USP46: variants seen among roughly 807,000 people sequenced by gnomAD.
The protein encoded by USP46 is ubiquitin carboxyl-terminal hydrolase 46.
USP46 carries 12 observed loss-of-function variants against 44.4 expected under a neutral mutation model. That is an observed-to-expected ratio of 0.27 (90% confidence interval 0.17 to 0.44). USP46 has a LOEUF of 0.44. Among genes scored for constraint, USP46 ranks in the 20% least tolerant of loss-of-function variants. The probability of loss-of-function intolerance (pLI) is 1.00; values close to 1 mark genes in which losing one functional copy is unlikely to be tolerated. For synonymous variants in USP46, 155 were observed against 161.5 expected, an observed-to-expected ratio of 0.96 and a Z score of 0.31; for missense variants, 248 against 444.8, an observed-to-expected ratio of 0.56 and a Z score of 3.98.
At chr4:52,602,610 T>C (rs901813247) in intron 6 of USP46, among the ~76,000 whole-genome samples, 3 of 152,212 alleles carry the variant, frequency 2.0e-5, no homozygotes, top group Non-Finnish European at 2.9e-5. Flanking sequence ...TCTCTAGCTC[T>C]CAGTTTCCTT....
At chr4:52,656,709 C>A in intron 1 of USP46, 1 of 495,800 alleles carries the variant, frequency 2.0e-6, no homozygotes. Context: ...AGTCTAAGAC[C>A]GGACAACTTG....
intron 1 of USP46, chr4:52,656,407 A>G: frequency 7.8e-7 from 1 of 1,275,484 alleles, no homozygotes; most frequent in Non-Finnish European, 1.0e-6. Context: ...CTCCTCTGGG[A>G]AGGAAGACTG....
intron 4 of USP46, among the ~76,000 whole-genome samples, chr4:52,614,974 T>C (rs1717066515): frequency 6.6e-6 from 1 of 152,186 alleles, no homozygotes; most frequent in Non-Finnish European, 1.5e-5. Flanking sequence ...GAAGAATGTC[T>C]ATTGTAATCT....
In USP46 at chr4:52,597,380, C is replaced by A; in HGVS notation, c.*260G>T. Reference sequence around the variant, plus strand: ...ACATAATGAATGGCATAGCTTTCACCCAGTCCTAAAATTAGCAACCGTTAT... The same window carrying A: ...ACATAATGAATGGCATAGCTTTCACACAGTCCTAAAATTAGCAACCGTTAT... On this transcript the variant is annotated 3_prime_UTR_variant, in exon 9 of 9. Transcript: ENST00000441222. 1 of 369,562 alleles carries A rather than the reference C, an allele frequency of 2.7e-6. No homozygotes were observed. 22.9% of individuals were successfully genotyped at this position (369,562 alleles called of 1,614,324 possible).
chr4:52,647,351 A>T (rs1718583731), intron 1 of USP46, among the ~76,000 whole-genome samples: 1 of 152,258 alleles, frequency 6.6e-6, no homozygotes, highest in African/African-American at 2.4e-5. Context: ...GATGCCAGAG[A>T]TAAGAATTGG....
chr4:52,644,201 A>G (rs759407748), intron 1 of USP46, among the ~76,000 whole-genome samples: 1 of 152,194 alleles, frequency 6.6e-6, no homozygotes, highest in African/African-American at 2.4e-5. Flanking sequence ...GAGGTTAACT[A>G]ACTTGCCAAG....
chr4:52,602,136 ATAG>A (rs1716495895), intron 6 of USP46, 82 bp from the exon 7 acceptor site: 3 of 1,456,098 alleles, frequency 2.1e-6, no homozygotes, highest in Non-Finnish European at 2.8e-6. Flanking sequence ...CACAAACAGA[ATAG>A]TAGGAGGTTC....
At chr4:52,610,261 G>A (rs1716890426) in intron 5 of USP46, among the ~76,000 whole-genome samples, 1 of 152,084 alleles carries the variant, frequency 6.6e-6, no homozygotes, top group Admixed American at 6.5e-5. Context: ...CCCAAAGGTT[G>A]AAATTATCAC....
rs1178019784 is a variant in USP46, at chr4:52,594,017, T to C, written c.*3623A>G. On this transcript the variant is annotated 3_prime_UTR_variant, in exon 9 of 9. Transcript: ENST00000441222. ...CCTTGAGAGTAATACTGCCTTTATA[T>C]ATTATAATGATCAGAATGTTCTGTA... 2.0e-5 allele frequency: 3 copies of C among 152,234 alleles called. No homozygotes were observed. The highest frequency in any genetic ancestry group is 4.4e-5 in the Non-Finnish European group (3 of 68,042). The allele number at this position is 152,234 out of a possible 1,614,324, so 9.4% of individuals were successfully genotyped here. A position where few individuals can be genotyped will look rare whatever the true frequency, so the allele number is the denominator to read the frequency against.
rs1392850235 is a variant in USP46, at chr4:52,596,592, G to A, written c.*1048C>T. ...TAACTCTGGTATTCCCTCTAGGGAA[G>A]GTTCTGTATCAGCCCTGGGACTCGC... On this transcript the variant is annotated 3_prime_UTR_variant, in exon 9 of 9. Coordinates refer to ENST00000441222, the MANE Select transcript of USP46 (RefSeq NM_022832.4). 6.6e-6 allele frequency: 1 copy of A among 152,194 alleles called. No homozygotes were observed. Among genetic ancestry groups the A allele is most frequent in the Non-Finnish European group, 1.5e-5 (1 of 68,042 alleles). 9.4% of individuals were successfully genotyped at this position (152,194 alleles called of 1,614,324 possible). A position where few individuals can be genotyped will look rare whatever the true frequency, so the allele number is the denominator to read the frequency against.
chr4:52,657,170 G>T (rs1484096827), intron 1 of USP46, among the ~76,000 whole-genome samples: 1 of 151,978 alleles, frequency 6.6e-6, no homozygotes, highest in East Asian at 1.9e-4. Context: ...ATGAATTACT[G>T]GTTCCTCACT....
In USP46 at chr4:52,626,177, G is replaced by A; in HGVS notation, c.402C>T (p.Asp134=). ...CCTGTTTCTTCTCCTCCTGAAGGATGTCCGCAATAGTGTTTAGCAAATAAT... is the reference window on the plus strand; with the variant it reads ...CCTGTTTCTTCTCCTCCTGAAGGATATCCGCAATAGTGTTTAGCAAATAAT... ...FLNYLLNTIA[D]ILQEEKKQEK... The change falls in exon 4 of 9, where the codon GAC becomes GAT. Residue 134 remains aspartate, a synonymous_variant. Transcript: ENST00000441222. 1.9e-6 allele frequency: 3 copies of A among 1,613,872 alleles called. No homozygotes were observed. The highest frequency in any genetic ancestry group is 2.5e-6 in the Non-Finnish European group (3 of 1,179,854).
intron 1 of USP46, 120 bp from the exon 2 acceptor site, chr4:52,631,264 T>C (rs781503853): frequency 8.9e-5 from 61 of 687,360 alleles, no homozygotes; most frequent in Non-Finnish European, 1.3e-4. Context: ...TATTTGTTGA[T>C]GTTTGCACTG....
chr4:52,614,389 G>A (rs183374581), intron 4 of USP46, among the ~76,000 whole-genome samples: 1 of 152,228 alleles, frequency 6.6e-6, no homozygotes, highest in Admixed American at 6.5e-5. Context: ...CCAAACTGTT[G>A]AAAACCAAAA....
intron 1 of USP46, among the ~76,000 whole-genome samples, chr4:52,635,553 G>GA (rs1420902526): frequency 3.3e-5 from 5 of 151,946 alleles, no homozygotes; most frequent in Non-Finnish European, 5.9e-5. Flanking sequence ...CCACTCAACA[G>GA]AAAAAAACCA....
chr4:52,650,777 T>C (rs1014870263), intron 1 of USP46, among the ~76,000 whole-genome samples: 14 of 152,264 alleles, frequency 9.2e-5, no homozygotes, highest in African/African-American at 3.1e-4. Context: ...TATAAACTAA[T>C]ACAAAACCTG....
At chr4:52,602,183 T>A in intron 6 of USP46, 129 bp from the exon 7 acceptor site, 1 of 1,028,652 alleles carries the variant, frequency 9.7e-7, no homozygotes. Flanking sequence ...AACCAAACAG[T>A]TTGCAAGGAT....
chr4:52,649,637 T>C (rs1258114837), intron 1 of USP46, among the ~76,000 whole-genome samples: 1 of 152,240 alleles, frequency 6.6e-6, no homozygotes, highest in African/African-American at 2.4e-5. Context: ...CTAATGCCTA[T>C]GCATGATAAA....
Position 52,609,621 on chromosome 4 carries a change from G to A in USP46, c.638+920C>T, listed in dbSNP as rs566962880. On this transcript the variant is annotated intron_variant, in intron 5 of 8. Transcript: ENST00000441222. ...CTGCTGTGGAGGTGACATCTCACAC[G>A]CATGTTAGGGCAGGTATAGCCGAGT... 9.9e-5 allele frequency among the ~76,000 whole-genome samples: 15 copies of A among 152,242 alleles called. No homozygotes were observed. In the South Asian group the frequency reaches 2.5e-3, roughly 25 times the overall value.
Sources: allele counts gnomAD v4.1 joint callset (sites outside exome capture counted in the v4.1 genomes callset), GRCh38; gene constraint gnomAD v4.1.1; transcripts MANE v1.5; gene names NCBI Gene and HGNC (gene_info 2026-07-23, HGNC 2026-07-21).